TMEM196: variants seen among roughly 807,000 people sequenced by gnomAD.
TMEM196 encodes the protein transmembrane protein 196.
TMEM196 carries 17 observed loss-of-function variants against 20.0 expected under a neutral mutation model. The observed-to-expected ratio is 0.85, with a 90% CI of 0.58 to 1.27. The LOEUF is 1.27. Among genes scored for constraint, TMEM196 ranks in the 50% most tolerant of loss-of-function variants. The pLI, the probability that TMEM196 is intolerant of heterozygous loss-of-function variation, is 0.00. For missense variants in TMEM196, 267 were observed against 223.0 expected, an observed-to-expected ratio of 1.20 and a Z score of -1.26; for synonymous variants, 113 against 88.9, an observed-to-expected ratio of 1.27 and a Z score of -1.52.
chr7:19,724,425 AAAAT>A lies in TMEM196; in HGVS notation c.460-76_460-73del, dbSNP rs1210765014. The A allele has an allele frequency of 2.2e-6, 3 of 1,383,724 alleles. No individual in the cohort carries two copies. In the African/African-American group the frequency reaches 4.3e-5, roughly 20 times the overall value. The allele number at this position is 1,383,724 out of a possible 1,614,324, so 85.7% of individuals were successfully genotyped here. ...ACAGAAAACTAAATCAGACTAGTATAAAATAAAGCACAAAAGAGCCACTATTCAT... is the reference window on the plus strand; with the variant it reads ...ACAGAAAACTAAATCAGACTAGTATAAAAGCACAAAAGAGCCACTATTCAT... On this transcript the variant is annotated intron_variant, in intron 3 of 4. Coordinates refer to ENST00000405844, the MANE Select transcript of TMEM196 (RefSeq NM_001363562.2).
At chr7:19,749,355 A>C (rs1784875714) in intron 1 of TMEM196, among the ~76,000 whole-genome samples, 1 of 152,190 alleles carries the variant, frequency 6.6e-6, no homozygotes, top group South Asian at 2.1e-4. Flanking sequence ...GAATTAAGTC[A>C]CAGATTCCCC....
rs1248471773 is a variant in TMEM196, at chr7:19,720,804, G to C, written c.*1324C>G. On this transcript the variant is annotated 3_prime_UTR_variant, in exon 5 of 5. Transcript: ENST00000405844. Reference sequence around the variant, plus strand: ...ATATGGACTGCCTATATTATTTCATGAGAATCGTAAAACAAAACACCTAAA... The same window carrying C: ...ATATGGACTGCCTATATTATTTCATCAGAATCGTAAAACAAAACACCTAAA... The C allele has an allele frequency of 6.6e-6, 1 of 151,792 alleles. No homozygotes were observed. The highest frequency in any genetic ancestry group is 1.5e-5 in the Non-Finnish European group (1 of 67,782). The allele number at this position is 151,792 out of a possible 1,614,324, so 9.4% of individuals were successfully genotyped here.
At chr7:19,751,588 G>T (rs1784961882) in intron 1 of TMEM196, among the ~76,000 whole-genome samples, 1 of 152,096 alleles carries the variant, frequency 6.6e-6, no homozygotes, top group Admixed American at 6.5e-5. Context: ...TAAAAGTGCT[G>T]TTAAAAATAT....
chr7:19,758,720 T>A (rs953238238), intron 1 of TMEM196, among the ~76,000 whole-genome samples: 1 of 152,230 alleles, frequency 6.6e-6, no homozygotes, highest in African/African-American at 2.4e-5. Context: ...GCACACGTAC[T>A]CAGAATTCTA....
chr7:19,724,275 C>A lies in TMEM196; in HGVS notation c.533+5G>T. ...AACATGGTAACTCCCTAGAAATCAG[C>A]GTACCTTGTAGGTAACTCTGGTGTC... On this transcript the variant is annotated splice_donor_5th_base_variant and intron_variant, in intron 4 of 4. Coordinates refer to ENST00000405844, the MANE Select transcript of TMEM196 (RefSeq NM_001363562.2). 1 of 1,550,216 alleles carries A rather than the reference C, an allele frequency of 6.5e-7. No homozygotes were observed. The highest frequency in any genetic ancestry group is 8.7e-7 in the Non-Finnish European group (1 of 1,146,730).
intron 2 of TMEM196, among the ~76,000 whole-genome samples, chr7:19,726,358 T>C (rs1783999778): frequency 6.6e-6 from 1 of 152,172 alleles, no homozygotes; most frequent in Admixed American, 6.5e-5. Flanking sequence ...TTCCTACCTA[T>C]GTGAGCTTAG....
At position 19,735,612 on chromosome 7, in the gene TMEM196, G is replaced by A. The variant is rs1456321014; in HGVS notation, c.148-6174C>T. Among the ~76,000 whole-genome samples the A allele has an allele frequency of 2.6e-5, 4 of 152,092 alleles. 1 individual carries two copies. Among genetic ancestry groups the A allele is most frequent in the Non-Finnish European group, 2.9e-5 (2 of 68,006 alleles). ...GGTAGAATTTTCCAGTTTGAATTAT[G>A]TAATGGAAAATTTTGGAACCATGAT... On this transcript the variant is annotated intron_variant, in intron 1 of 4. Transcript: ENST00000405844.
intron 1 of TMEM196, among the ~76,000 whole-genome samples, chr7:19,762,643 C>T (rs1785482272): frequency 6.6e-6 from 1 of 152,020 alleles, no homozygotes; most frequent in South Asian, 2.1e-4. Context: ...CTTAGGACAA[C>T]ATTCAGATAT....
At chr7:19,760,868 G>A (rs1307035699) in intron 1 of TMEM196, among the ~76,000 whole-genome samples, 2 of 152,168 alleles carry the variant, frequency 1.3e-5, no homozygotes, top group African/African-American at 4.8e-5. Flanking sequence ...AAAGAGAACC[G>A]AGGAGAGTAA....
At chr7:19,743,014 T>G (rs1784630352) in intron 1 of TMEM196, among the ~76,000 whole-genome samples, 1 of 152,142 alleles carries the variant, frequency 6.6e-6, no homozygotes, top group South Asian at 2.1e-4. Context: ...TTATCTCCAT[T>G]AGCTATGGGG....
At chr7:19,758,438 A>G (rs572655074) in intron 1 of TMEM196, among the ~76,000 whole-genome samples, 160 of 152,320 alleles carry the variant, frequency 1.1e-3, no homozygotes, top group Middle Eastern at 3.4e-3. Flanking sequence ...TGGCCAGATA[A>G]CTGCATTTTC....
At chr7:19,735,577 AAAAGGC>A (rs1367863155) in intron 1 of TMEM196, among the ~76,000 whole-genome samples, 1 of 152,148 alleles carries the variant, frequency 6.6e-6, no homozygotes, top group Non-Finnish European at 1.5e-5. Context: ...CTAAGAGTAA[AAAAGGC>A]AATGGTAGAA....
chr7:19,741,241 G>A (rs1784573446), intron 1 of TMEM196, among the ~76,000 whole-genome samples: 1 of 152,104 alleles, frequency 6.6e-6, no homozygotes, highest in South Asian at 2.1e-4. Context: ...GCAATTACTG[G>A]CATTGTTAGA....
intron 1 of TMEM196, among the ~76,000 whole-genome samples, chr7:19,772,096 C>A (rs774491988): frequency 9.9e-5 from 15 of 152,076 alleles, no homozygotes; most frequent in South Asian, 4.1e-4. Flanking sequence ...GGGATAAATG[C>A]ATAACTATCC....
chr7:19,725,477 A>C (rs755461782), intron 3 of TMEM196, 37 bp downstream of exon 3: 1 of 1,570,964 alleles, frequency 6.4e-7, no homozygotes, highest in African/African-American at 1.3e-5. Flanking sequence ...AGTCTTCATC[A>C]TGTGCTAGCA....
At chr7:19,746,314 T>C (rs1784747964) in intron 1 of TMEM196, among the ~76,000 whole-genome samples, 1 of 152,064 alleles carries the variant, frequency 6.6e-6, no homozygotes, top group Non-Finnish European at 1.5e-5. Context: ...CACGTGGGAG[T>C]ACAGAGGATA....
At chr7:19,724,856 A>G (rs1231389809) in intron 3 of TMEM196, among the ~76,000 whole-genome samples, 1 of 152,190 alleles carries the variant, frequency 6.6e-6, no homozygotes, top group African/African-American at 2.4e-5. Context: ...AATATGTGCA[A>G]AATGTAATAG....
rs1783798986 is a variant in TMEM196 at position 19,721,105 on chromosome 7, A to G, written c.*1023T>C. ...CTATTCAGATCACTCATCTTCATAA[A>G]TATCACCCACAATGATATTTACACA... is the stretch of plus-strand genomic sequence containing the variant. On this transcript the variant is annotated 3_prime_UTR_variant, in exon 5 of 5. Coordinates refer to ENST00000405844, the MANE Select transcript of TMEM196 (RefSeq NM_001363562.2). 1 of 151,916 alleles carries G rather than the reference A, an allele frequency of 6.6e-6. No homozygotes were observed. The highest frequency in any genetic ancestry group is 2.4e-5 in the African/African-American group (1 of 41,434). The allele number at this position is 151,916 out of a possible 1,614,324, so 9.4% of individuals were successfully genotyped here.
chr7:19,772,339 G>GAAACA (rs3030522), intron 1 of TMEM196, among the ~76,000 whole-genome samples: 30,868 of 138,338 alleles, frequency 0.22, 3,811 homozygotes, highest in East Asian at 0.43. Flanking sequence ...GCCCAAGTAA[G>GAAACA]AAACAAAACA....
Sources: allele counts gnomAD v4.1 joint callset (sites outside exome capture counted in the v4.1 genomes callset), GRCh38; gene constraint gnomAD v4.1.1; transcripts MANE v1.5; gene names NCBI Gene and HGNC (gene_info 2026-07-23, HGNC 2026-07-21).